USP47: variants seen among roughly 807,000 people sequenced by gnomAD.
The protein encoded by USP47 is ubiquitin specific peptidase 47, also known as ubiquitin carboxyl-terminal hydrolase 47.
USP47 carries 35 observed loss-of-function variants against 165.1 expected under a neutral mutation model. The observed-to-expected ratio is 0.21, with a 90% CI of 0.16 to 0.28. USP47 has a LOEUF of 0.28. USP47 is among the 10% of genes least tolerant of loss of function. The probability of loss-of-function intolerance (pLI) is 1.00; values close to 1 mark genes in which losing one functional copy is unlikely to be tolerated. For missense variants in USP47, 1,277 were observed against 1,607.4 expected (o/e 0.79, Z 3.52); for synonymous variants, 531 against 544.5 (o/e 0.98, Z 0.35).
Position 11,844,881 on chromosome 11 carries a change from T to C in USP47, c.39+2657T>C, listed in dbSNP as rs962516857. On this transcript the variant is annotated intron_variant, in intron 1 of 27. Coordinates refer to ENST00000527733, the MANE Select transcript of USP47 (RefSeq NM_001282659.2). Reference sequence around the variant, plus strand: ...CCTGAAACTCAAGGACAAATGTACCTTTAGAGGACTCTTGAAGAAGACAGC... The same window carrying C: ...CCTGAAACTCAAGGACAAATGTACCCTTAGAGGACTCTTGAAGAAGACAGC... Among the ~76,000 whole-genome samples, 8 of 152,160 alleles carry C rather than the reference T, an allele frequency of 5.3e-5. No homozygotes were observed. The East Asian group carries it at 1.3e-3, about 26-fold the overall frequency.
chr11:11,886,873 C>G (rs964628716), intron 3 of USP47, among the ~76,000 whole-genome samples: 14 of 152,108 alleles, frequency 9.2e-5, no homozygotes, highest in African/African-American at 3.1e-4. Context: ...AACAGACAAA[C>G]AGTAGACCTC....
intron 5 of USP47, among the ~76,000 whole-genome samples, chr11:11,900,842 G>T (rs187276801): frequency 6.6e-6 from 1 of 152,324 alleles, no homozygotes; most frequent in African/African-American, 2.4e-5. Flanking sequence ...GGACAGGTGA[G>T]AATTCAGTCT....
At chr11:11,848,103 A>AT (rs1848525126) in intron 1 of USP47, among the ~76,000 whole-genome samples, 2 of 152,212 alleles carry the variant, frequency 1.3e-5, no homozygotes, top group Admixed American at 6.5e-5. Context: ...GATTCAGTTG[A>AT]TTTTTTAAAT....
chr11:11,860,632 T>G (rs537958424), intron 1 of USP47, among the ~76,000 whole-genome samples: 1 of 152,354 alleles, frequency 6.6e-6, no homozygotes, highest in African/African-American at 2.4e-5. Flanking sequence ...AGAATGTTCA[T>G]AACCTATAAA....
intron 1 of USP47, among the ~76,000 whole-genome samples, chr11:11,848,321 G>T (rs966403209): frequency 6.6e-6 from 1 of 152,150 alleles, no homozygotes. Flanking sequence ...ATTGCCTGTT[G>T]CTCCTAGGCT....
chr11:11,915,992 A>T (rs1853387407), intron 8 of USP47, among the ~76,000 whole-genome samples: 4 of 152,196 alleles, frequency 2.6e-5, no homozygotes, highest in African/African-American at 9.7e-5. Context: ...TAAAAAAAGG[A>T]TTTATAGGCA....
rs181593066 is a variant in USP47, at chr11:11,952,894, A to G, written c.3714+23A>G. On this transcript the variant is annotated intron_variant, in intron 25 of 27. Transcript: ENST00000527733. ...AAGGTAAGTTCATTTTAAACAAAAC[A>G]TGTATCTTATGTTGTATATGTATAT... 5.2e-5 allele frequency: 81 copies of G among 1,552,952 alleles called. No individual in the cohort carries two copies. The African/African-American group carries it at 6.2e-4, about 12-fold the overall frequency.
intron 4 of USP47, among the ~76,000 whole-genome samples, chr11:11,894,459 CA>C (rs1406838314): frequency 6.6e-6 from 1 of 151,800 alleles, no homozygotes; most frequent in Non-Finnish European, 1.5e-5. Flanking sequence ...TCTCAAAAAA[CA>C]AAAAAGAAAA....
In USP47 at chr11:11,950,024, A is replaced by G. The variant is rs769376736; in HGVS notation, c.3464+20A>G. The G allele has an allele frequency of 9.1e-6, 14 of 1,540,784 alleles. No individual in the cohort carries two copies. Among genetic ancestry groups the G allele is most frequent in the Admixed American group, 3.5e-5 (2 of 57,862 alleles). On this transcript the variant is annotated intron_variant, in intron 23 of 27. Transcript: ENST00000527733. ...TGACAGGTAAAGTAAAATTAATGTC[A>G]TCAGCGATTTGAAGAAAGACTATGT...
At chr11:11,866,773 A>C (rs1310771592) in intron 1 of USP47, among the ~76,000 whole-genome samples, 1 of 152,194 alleles carries the variant, frequency 6.6e-6, no homozygotes, top group Non-Finnish European at 1.5e-5. Flanking sequence ...CACAACAATG[A>C]AAGTATCATG....
Position 11,942,289 on chromosome 11 carries a change from A to C in USP47, c.2314-46A>C, listed in dbSNP as rs1298070296. Reference sequence around the variant, plus strand: ...AATATAATGATGATGATGAATGAGCATGTCACTAAAATTAATATATAATAA... The same window carrying C: ...AATATAATGATGATGATGAATGAGCCTGTCACTAAAATTAATATATAATAA... On this transcript the variant is annotated intron_variant, in intron 19 of 27. Transcript: ENST00000527733. 2.6e-6 allele frequency: 4 copies of C among 1,510,080 alleles called. No homozygotes were observed. In the East Asian group the frequency reaches 9.1e-5, roughly 34 times the overall value. 93.5% of individuals were successfully genotyped at this position (1,510,080 alleles called of 1,614,324 possible). A position where few individuals can be genotyped will look rare whatever the true frequency, so the allele number is the denominator to read the frequency against.
chr11:11,869,944 A>T (rs996546647), intron 1 of USP47, among the ~76,000 whole-genome samples: 2 of 152,192 alleles, frequency 1.3e-5, no homozygotes, highest in Non-Finnish European at 2.9e-5. Context: ...TGGATTTCCT[A>T]GTCTCCAGAA....
intron 1 of USP47, among the ~76,000 whole-genome samples, chr11:11,848,794 A>G (rs541351645): frequency 2.0e-5 from 3 of 152,120 alleles, no homozygotes; most frequent in East Asian, 3.9e-4. Flanking sequence ...TATTTTTAGT[A>G]GAGATGGGGT....
At chr11:11,863,872 A>C (rs975756804) in intron 1 of USP47, among the ~76,000 whole-genome samples, 4 of 152,158 alleles carry the variant, frequency 2.6e-5, no homozygotes, top group African/African-American at 7.2e-5. Context: ...ATTTTCTGGC[A>C]GTACAAGGTA....
chr11:11,847,276 A>C (rs1455372463), intron 1 of USP47, among the ~76,000 whole-genome samples: 1 of 150,810 alleles, frequency 6.6e-6, no homozygotes, highest in Non-Finnish European at 1.5e-5. Flanking sequence ...GTATTTACAT[A>C]GTGTTTTTTT....
chr11:11,894,817 A>G (rs1360638339), intron 4 of USP47, among the ~76,000 whole-genome samples: 1 of 152,204 alleles, frequency 6.6e-6, no homozygotes, highest in Non-Finnish European at 1.5e-5. Flanking sequence ...ATTAAAATAC[A>G]TGTCATTGTC....
chr11:11,941,941 A>G (rs1297116086), intron 19 of USP47, among the ~76,000 whole-genome samples: 2 of 152,046 alleles, frequency 1.3e-5, no homozygotes, highest in East Asian at 1.9e-4. Flanking sequence ...GTCTTTACAC[A>G]TGTTCCTGTG....
intron 15 of USP47, 95 bp from the exon 16 acceptor site, chr11:11,933,736 A>T: frequency 3.7e-6 from 3 of 815,614 alleles, no homozygotes; most frequent in Non-Finnish European, 6.0e-6. Context: ...TCTTTTAAAA[A>T]ATTGCAGTAT....
chr11:11,888,779 T>C (rs1851329184), intron 3 of USP47, among the ~76,000 whole-genome samples: 1 of 152,192 alleles, frequency 6.6e-6, no homozygotes, highest in African/African-American at 2.4e-5. Flanking sequence ...GTATCCCTGA[T>C]GAACATCGGT....
Sources: allele counts gnomAD v4.1 joint callset (sites outside exome capture counted in the v4.1 genomes callset), GRCh38; gene constraint gnomAD v4.1.1; transcripts MANE v1.5; gene names NCBI Gene and HGNC (gene_info 2026-07-23, HGNC 2026-07-21).